Variants in HECA observed in about 807,000 individuals in gnomAD.
HECA encodes HECA ribonucleoprotein granule regulator.
HECA carries 13 observed loss-of-function variants against 37.6 expected under a neutral mutation model. The observed-to-expected ratio is 0.35, with a 90% confidence interval of 0.23 to 0.55. HECA has a LOEUF of 0.55. Among genes scored for constraint, HECA ranks in the 20% least tolerant of loss-of-function variants. The pLI is 0.90. For missense variants in HECA, 527 were observed against 701.9 expected, an observed-to-expected ratio of 0.75 and a Z score of 2.82; for synonymous variants, 307 against 291.5, an observed-to-expected ratio of 1.05 and a Z score of -0.54.
Position 139,148,942 on chromosome 6 carries a change from GTAGA to G in HECA, c.271+13278_271+13281del, listed in dbSNP as rs562901869. Among the ~76,000 whole-genome samples the G allele has an allele frequency of 2.0e-5, 3 of 152,094 alleles. No individual in the cohort carries two copies. The South Asian group carries it at 6.2e-4, about 32-fold the overall frequency. The stretch of plus-strand genomic sequence containing the variant: ...CCAGCTATGTAGGACTTTGACACTT[GTAGA>G]TAAAGACTCATTATTTACTTGTAAT... On this transcript the variant is annotated intron_variant, in intron 1 of 3. Coordinates refer to ENST00000367658, the MANE Select transcript of HECA (RefSeq NM_016217.3).
chr6:139,167,381 C>A, intron 2 of HECA, 57 bp downstream of exon 2: 1 of 1,340,378 alleles, frequency 7.5e-7, no homozygotes, highest in Non-Finnish European at 1.0e-6. Context: ...AAACAACAAA[C>A]AAGACAGATT....
At chr6:139,152,397 T>C (rs968604183) in intron 1 of HECA, among the ~76,000 whole-genome samples, 3 of 141,046 alleles carry the variant, frequency 2.1e-5, no homozygotes, top group Non-Finnish European at 4.7e-5. Flanking sequence ...ACCCAAGTTG[T>C]AAACTGTATT....
chr6:139,164,062 A>C (rs72980674), intron 1 of HECA, among the ~76,000 whole-genome samples: 5,363 of 124,078 alleles, frequency 0.043, 109 homozygotes, highest in Non-Finnish European at 0.056. Flanking sequence ...ACACACACAC[A>C]CACAAACACA....
chr6:139,165,688 G>A (rs1209170821), intron 1 of HECA, among the ~76,000 whole-genome samples: 1 of 151,714 alleles, frequency 6.6e-6, no homozygotes, highest in African/African-American at 2.4e-5. Flanking sequence ...TAAGGAATCA[G>A]TGGAGTTCCC....
At chr6:139,144,860 A>G (rs1404200041) in intron 1 of HECA, among the ~76,000 whole-genome samples, 1 of 152,162 alleles carries the variant, frequency 6.6e-6, no homozygotes, top group African/African-American at 2.4e-5. Context: ...TGCTGTATGG[A>G]AAGCCTATCT....
At position 139,148,010 on chromosome 6, in the gene HECA, T is replaced by C. The variant is rs182709540; in HGVS notation, c.271+12343T>C. Among the ~76,000 whole-genome samples, 4 of 152,322 alleles carry C rather than the reference T, an allele frequency of 2.6e-5. No homozygotes were observed. The East Asian group carries it at 7.7e-4, about 29-fold the overall frequency. ...CTTTGCCAATCAGATAGATGAAAAATCACATCTCATTGTCATAATATTTGC... is the reference window on the plus strand; with the variant it reads ...CTTTGCCAATCAGATAGATGAAAAACCACATCTCATTGTCATAATATTTGC... On this transcript the variant is annotated intron_variant, in intron 1 of 3. Transcript: ENST00000367658.
intron 1 of HECA, among the ~76,000 whole-genome samples, chr6:139,139,617 T>C (rs540209611): frequency 2.4e-4 from 36 of 152,342 alleles, no homozygotes; most frequent in Non-Finnish European, 4.4e-5. Flanking sequence ...AGACCCCAGT[T>C]GATCCTCTCT....
At chr6:139,165,077 T>G (rs1317958318) in intron 1 of HECA, among the ~76,000 whole-genome samples, 2 of 152,198 alleles carry the variant, frequency 1.3e-5, no homozygotes, top group African/African-American at 2.4e-5. Flanking sequence ...AAACTCTTTA[T>G]AAGCATTTCT....
chr6:139,168,415 G>A (rs999573621), intron 2 of HECA, among the ~76,000 whole-genome samples: 19 of 146,888 alleles, frequency 1.3e-4, no homozygotes, highest in Admixed American at 2.1e-4. Context: ...TGATTATTTT[G>A]ATTTGCATAG....
At chr6:139,174,267 A>T in intron 2 of HECA, 118 bp from the exon 3 acceptor site, 1 of 1,202,170 alleles carries the variant, frequency 8.3e-7, no homozygotes, top group Non-Finnish European at 1.1e-6. Flanking sequence ...TTCTTTTTAT[A>T]TTTATCCAAA....
rs559477964 is a variant in HECA at position 139,180,373 on chromosome 6, G to T, written c.*3268G>T. On this transcript the variant is annotated 3_prime_UTR_variant, in exon 4 of 4. Coordinates refer to ENST00000367658, the MANE Select transcript of HECA (RefSeq NM_016217.3). ...AAGACTGATGCTTAATACACAGTCT[G>T]TTCTCCTGTGTCTAGGTCAGGAACT... is the stretch of plus-strand genomic sequence containing the variant. 2 of 152,772 alleles carry T rather than the reference G, an allele frequency of 1.3e-5. No homozygotes were observed. The highest frequency in any genetic ancestry group is 4.1e-4 in the South Asian group (2 of 4,820). The allele number at this position is 152,772 out of a possible 1,614,324, so 9.5% of individuals were successfully genotyped here.
intron 1 of HECA, among the ~76,000 whole-genome samples, chr6:139,136,354 A>G (rs1262661077): frequency 1.3e-5 from 2 of 151,978 alleles, no homozygotes; most frequent in Non-Finnish European, 2.9e-5. Context: ...GAAGCCTCAT[A>G]ATCTTAGGTA....
At chr6:139,170,133 A>G (rs1305948114) in intron 2 of HECA, 1 of 152,194 alleles carries the variant, frequency 6.6e-6, no homozygotes, top group South Asian at 2.1e-4. Flanking sequence ...AAGTGGATGG[A>G]AACACCTTTA....
chr6:139,163,338 T>G (rs1459103271), intron 1 of HECA, among the ~76,000 whole-genome samples: 1 of 150,606 alleles, frequency 6.6e-6, no homozygotes, highest in Non-Finnish European at 1.5e-5. Flanking sequence ...TGGGACATTT[T>G]GCAGTTCTCC....
chr6:139,159,896 C>T (rs913985955), intron 1 of HECA, among the ~76,000 whole-genome samples: 1 of 152,174 alleles, frequency 6.6e-6, no homozygotes, highest in African/African-American at 2.4e-5. Flanking sequence ...AAATATTTAA[C>T]TCATAGTTTA....
chr6:139,167,291 G>A lies in HECA; in HGVS notation c.1279G>A (p.Glu427Lys), dbSNP rs1387562663. 1 of 1,607,514 alleles carries A rather than the reference G, an allele frequency of 6.2e-7. No individual in the cohort carries two copies. The highest frequency in any genetic ancestry group is 1.3e-5 in the African/African-American group (1 of 74,828). Reference protein sequence around the residue: ...TLFLSPSRHDEIEYDVPCHLQ... With the variant: ...TLFLSPSRHDKIEYDVPCHLQ... ...GTTCCTAAGCCCGTCGAGACATGAT[G>A]AGATCGAATATGATGTTCCTTGTCA... The change falls in exon 2 of 4, where the codon GAG (glutamate) becomes AAG (lysine). Residue 427 changes from glutamate to lysine, a missense_variant. Physicochemically the swap from Glu to Lys is moderately conservative, Grantham distance 56. Around this residue, in one of 4 missense-constraint regions of HECA, gnomAD observed 106 missense variants for 193.4 expected, o/e 0.55. Coordinates refer to ENST00000367658, the MANE Select transcript of HECA (RefSeq NM_016217.3).
At chr6:139,174,959 A>G (rs181171257) in intron 3 of HECA, among the ~76,000 whole-genome samples, 1 of 152,300 alleles carries the variant, frequency 6.6e-6, no homozygotes, top group African/African-American at 2.4e-5. Context: ...AATAGAAAAA[A>G]TGTTATTCAA....
chr6:139,151,513 A>C (rs1211116249), intron 1 of HECA, among the ~76,000 whole-genome samples: 1 of 152,174 alleles, frequency 6.6e-6, no homozygotes, highest in Non-Finnish European at 1.5e-5. Context: ...GATATTCTCC[A>C]TACTGAGAGA....
chr6:139,139,891 C>T, intron 1 of HECA, among the ~76,000 whole-genome samples: 1 of 152,220 alleles, frequency 6.6e-6, no homozygotes, highest in Non-Finnish European at 1.5e-5. Flanking sequence ...TCATTTAGAC[C>T]ACCAGTACCA....
Sources: gnomAD v4.1 joint callset for allele counts (sites outside exome capture counted in the v4.1 genomes callset) on GRCh38, gnomAD v4.1.1 for gene constraint, gnomAD v4.1.1 regional missense constraint, MANE v1.5 for transcripts, NCBI Gene and HGNC (gene_info 2026-07-23, HGNC 2026-07-21) for gene names.